The following PCDHGA1 variants were observed in gnomAD, a reference collection of about 807,000 sequenced individuals.
PCDHGA1 encodes the protein protocadherin gamma-A1.
Under a neutral mutation model 58.0 loss-of-function variants are expected in PCDHGA1, and 32 were observed. The observed-to-expected ratio is 0.55, with a 90% confidence interval of 0.42 to 0.74. The LOEUF (loss-of-function observed/expected upper bound fraction) is 0.74. Among genes scored for constraint, PCDHGA1 ranks in the 30% least tolerant of loss-of-function variants. The pLI, the probability that PCDHGA1 is intolerant of heterozygous loss-of-function variation, is 0.00. For synonymous variants in PCDHGA1, 498 were observed against 501.1 expected, an observed-to-expected ratio of 0.99 and a Z score of 0.08; for missense variants, 1,205 against 1,182.3, an observed-to-expected ratio of 1.02 and a Z score of -0.28.
intron 1 of PCDHGA1, chr5:141,416,636 C>A (rs2096047139): frequency 6.6e-6 from 1 of 152,066 alleles, no homozygotes; most frequent in South Asian, 2.1e-4. Context: ...AATATAAACA[C>A]CAACCACAGC....
At chr5:141,428,185 G>T (rs775261215) in intron 1 of PCDHGA1, 286 of 1,446,232 alleles carry the variant, frequency 2.0e-4, no homozygotes, top group Non-Finnish European at 2.5e-4. Context: ...GAGGACAGCC[G>T]CCGCTCTCTG....
rs542816387 is a variant in PCDHGA1, at chr5:141,394,624, T to G, written c.2421+61519T>G. ...AGAGACTCGGGCCAGAACGCCTGGC[T>G]GTCCTACCGCCTGCTCAAGGCCAGC... On this transcript the variant is annotated intron_variant, in intron 1 of 3. Transcript: ENST00000517417. 2.5e-6 allele frequency: 4 copies of G among 1,613,110 alleles called. No individual in the cohort carries two copies. The South Asian group carries it at 3.3e-5, about 13-fold the overall frequency.
chr5:141,423,116 C>T (rs374000303), intron 1 of PCDHGA1: 210 of 1,613,682 alleles, frequency 1.3e-4, no homozygotes, highest in Middle Eastern at 4.9e-4. Context: ...GTGCGTACAG[C>T]GCGGGCACTG....
intron 1 of PCDHGA1, chr5:141,371,272 A>G (rs750507837): frequency 1.9e-6 from 3 of 1,614,026 alleles, no homozygotes; most frequent in Admixed American, 1.7e-5. Context: ...CAACTGTTCA[A>G]GCTGGACAGT....
intron 1 of PCDHGA1, chr5:141,365,325 A>T (rs372623504): frequency 2.5e-6 from 4 of 1,613,990 alleles, no homozygotes; most frequent in Admixed American, 1.7e-5. Context: ...GCCAGCGCTA[A>T]GGTGGTGGTC....
At chr5:141,370,198 C>G in intron 1 of PCDHGA1, 1 of 534,742 alleles carries the variant, frequency 1.9e-6, no homozygotes. Context: ...TAGTGCTGTG[C>G]AAAATATTGG....
intron 1 of PCDHGA1, chr5:141,351,013 C>T (rs767340665): frequency 1.2e-5 from 20 of 1,613,944 alleles, no homozygotes; most frequent in African/African-American, 1.2e-4. Context: ...TCCAAGAAAA[C>T]GTACCGTGGG....
chr5:141,506,277 T>C (rs905595521), intron 3 of PCDHGA1, among the ~76,000 whole-genome samples: 1 of 152,050 alleles, frequency 6.6e-6, no homozygotes. Flanking sequence ...AGTGAAACCC[T>C]GTCTCTACTA....
chr5:141,481,312 T>C (rs953898526), intron 1 of PCDHGA1, among the ~76,000 whole-genome samples: 1 of 152,200 alleles, frequency 6.6e-6, no homozygotes, highest in Non-Finnish European at 1.5e-5. Flanking sequence ...AAAACCTTCC[T>C]AAAGCACTAG....
At chr5:141,473,102 C>T (rs1465515592) in intron 1 of PCDHGA1, among the ~76,000 whole-genome samples, 1 of 152,054 alleles carries the variant, frequency 6.6e-6, no homozygotes, top group Non-Finnish European at 1.5e-5. Flanking sequence ...AGTTGTATTA[C>T]CACACTTTAC....
chr5:141,337,205 A>G (rs566480687), intron 1 of PCDHGA1, among the ~76,000 whole-genome samples: 1 of 152,348 alleles, frequency 6.6e-6, no homozygotes, highest in African/African-American at 2.4e-5. Context: ...GCTGTGGAAA[A>G]TGGTATGGTG....
intron 1 of PCDHGA1, chr5:141,409,621 A>G: frequency 6.2e-7 from 1 of 1,613,852 alleles, no homozygotes; most frequent in Non-Finnish European, 8.5e-7. Context: ...CCATTGCGCA[A>G]GTGAGCGCCT....
At chr5:141,421,461 G>C (rs1216014695) in intron 1 of PCDHGA1, 2 of 1,614,034 alleles carry the variant, frequency 1.2e-6, no homozygotes, top group Non-Finnish European at 8.5e-7. Context: ...TTTTCGCTGT[G>C]AATCCGCGAA....
At chr5:141,503,981 C>T (rs774655880) in intron 2 of PCDHGA1, among the ~76,000 whole-genome samples, 4 of 152,300 alleles carry the variant, frequency 2.6e-5, no homozygotes, top group East Asian at 1.9e-4. Flanking sequence ...CCAAACCCTT[C>T]TTCTTACCTT....
At chr5:141,474,241 G>A (rs1367530484) in intron 1 of PCDHGA1, among the ~76,000 whole-genome samples, 8 of 151,928 alleles carry the variant, frequency 5.3e-5, no homozygotes, top group East Asian at 1.9e-4. Context: ...TGCTGAATAG[G>A]GGAAAAAAAG....
In PCDHGA1 at chr5:141,477,442, A is replaced by G; in HGVS notation, c.2422-17365A>G. The G allele has an allele frequency of 6.2e-7, 1 of 1,614,132 alleles. No individual in the cohort carries two copies. Among genetic ancestry groups the G allele is most frequent in the Non-Finnish European group, 8.5e-7 (1 of 1,180,022 alleles). ...CCCCTTCCCTCTCAGCCCTTACAAT[A>G]GTGCGTGTTCAAGTGTCCGACATCA... On this transcript the variant is annotated intron_variant, in intron 1 of 3. Coordinates refer to ENST00000517417, the MANE Select transcript of PCDHGA1 (RefSeq NM_018912.3). This position sits in a 1 kb window ranked among gnomAD's most constrained non-coding sequence, Gnocchi z 4.9.
chr5:141,390,544 G>A, intron 1 of PCDHGA1: 1 of 505,664 alleles, frequency 2.0e-6, no homozygotes, highest in Non-Finnish European at 3.5e-6. Flanking sequence ...ACCACAAAGT[G>A]AAAGTGTTAG....
At position 141,404,471 on chromosome 5, in the gene PCDHGA1, A is replaced by G. The variant is rs200620626; in HGVS notation, c.2421+71366A>G. ...GTCTCCTCTCTCCACCTATGTCTCT[A>G]TTAACTCAGACACTGGTGTGCTGTA... On this transcript the variant is annotated intron_variant, in intron 1 of 3. Coordinates refer to ENST00000517417, the MANE Select transcript of PCDHGA1 (RefSeq NM_018912.3). 307 of 1,613,160 alleles carry G rather than the reference A, an allele frequency of 1.9e-4. No homozygotes were observed. Among genetic ancestry groups the G allele is most frequent in the Non-Finnish European group, 2.5e-4 (293 of 1,179,322 alleles).
chr5:141,362,584 T>A (rs781004756), intron 1 of PCDHGA1: 17 of 1,598,970 alleles, frequency 1.1e-5, no homozygotes, highest in Non-Finnish European at 1.4e-5. Context: ...TATTTTCACT[T>A]CTGGTTTTAT....
Sources: allele counts gnomAD v4.1 joint callset (sites outside exome capture counted in the v4.1 genomes callset), GRCh38; gene constraint gnomAD v4.1.1; non-coding constraint Gnocchi (gnomAD v3.1); transcripts MANE v1.5; gene names NCBI Gene and HGNC (gene_info 2026-07-23, HGNC 2026-07-21).